The following POMT2 variants were observed in gnomAD, a reference collection of about 807,000 sequenced individuals.
POMT2 encodes the protein protein O-mannosyltransferase 2, also known as protein O-mannosyl-transferase 2.
A neutral mutation model predicts 100.0 loss-of-function variants in POMT2; 75 were observed. That is an observed-to-expected ratio of 0.75 (90% CI 0.62 to 0.91). The LOEUF is 0.91. Ranked by LOEUF, POMT2 falls within the 40% of genes least tolerant of loss-of-function variation. The probability of loss-of-function intolerance (pLI) is 0.00; values close to 1 mark genes in which losing one functional copy is unlikely to be tolerated. For synonymous variants in POMT2, 378 were observed against 374.1 expected, an observed-to-expected ratio of 1.01 and a Z score of -0.12; for missense variants, 940 against 955.1, an observed-to-expected ratio of 0.98 and a Z score of 0.21.
At chr14:77,320,330 C>T in intron 1 of POMT2, 104 bp downstream of exon 1, 1 of 1,529,528 alleles carries the variant, frequency 6.5e-7, no homozygotes, top group Non-Finnish European at 8.8e-7. Flanking sequence ...TCCACCGTGG[C>T]CCTCCTCCTA....
chr14:77,287,693 T>A (rs1171685511), intron 11 of POMT2: 1 of 152,132 alleles, frequency 6.6e-6, no homozygotes, highest in East Asian at 1.9e-4. Context: ...TATTTCCTTG[T>A]GTGCTTTGTT....
chr14:77,288,399 G>C (rs1214002224), intron 11 of POMT2, among the ~76,000 whole-genome samples: 1 of 152,194 alleles, frequency 6.6e-6, no homozygotes, highest in Non-Finnish European at 1.5e-5. Context: ...AGCTGGGTGT[G>C]ATGGCTCATG....
intron 1 of POMT2, chr14:77,312,491 G>C (rs56368007): frequency 0.23 from 37,040 of 160,714 alleles, 4,542 homozygotes; most frequent in South Asian, 0.32. Flanking sequence ...GTAAAACCCT[G>C]TCTCTACTAA....
At chr14:77,301,456 G>C (rs1250728366) in intron 5 of POMT2, among the ~76,000 whole-genome samples, 1 of 152,150 alleles carries the variant, frequency 6.6e-6, no homozygotes, top group Non-Finnish European at 1.5e-5. Flanking sequence ...CTGTCTGAGG[G>C]CGCAGGGTAT....
At chr14:77,316,172 T>C (rs1328760884) in intron 1 of POMT2, among the ~76,000 whole-genome samples, 3 of 152,206 alleles carry the variant, frequency 2.0e-5, no homozygotes, top group Non-Finnish European at 4.4e-5. Context: ...TTGAAATTGA[T>C]TGCCAGACCC....
intron 8 of POMT2, chr14:77,296,476 T>A (rs1890836362): frequency 1.7e-6 from 1 of 587,860 alleles, no homozygotes; most frequent in South Asian, 2.0e-5. Context: ...CTCCCCCGCC[T>A]CCTGAGGGCT....
chr14:77,279,575 T>G, intron 18 of POMT2: 1 of 634,556 alleles, frequency 1.6e-6, no homozygotes, highest in South Asian at 1.5e-5. Flanking sequence ...AATCTCATGG[T>G]TCCTTGGTTT....
intron 12 of POMT2, among the ~76,000 whole-genome samples, chr14:77,286,145 C>T (rs991374776): frequency 2.6e-5 from 4 of 152,188 alleles, no homozygotes; most frequent in Non-Finnish European, 4.4e-5. Flanking sequence ...TGACCTAGCA[C>T]AATGTGGAAT....
chr14:77,306,695 C>A lies in POMT2; in HGVS notation c.334-254G>T, dbSNP rs528075370. On this transcript the variant is annotated intron_variant, in intron 2 of 20. Coordinates refer to ENST00000261534, the MANE Select transcript of POMT2 (RefSeq NM_013382.7). ...CTAGGAACAGCACAACCTAAACACT[C>A]AGGAAGGAAAAAGAGCCCCACAATT... 3.4e-4 allele frequency: 138 copies of A among 404,416 alleles called. 1 individual carries two copies. The highest frequency in any genetic ancestry group is 2.6e-3 in the South Asian group (123 of 47,084). The allele number at this position is 404,416 out of a possible 1,614,324, so 25.1% of individuals were successfully genotyped here. A position where few individuals can be genotyped will look rare whatever the true frequency, so the allele number is the denominator to read the frequency against.
At chr14:77,287,847 T>C (rs1271062182) in intron 11 of POMT2, 3 of 152,142 alleles carry the variant, frequency 2.0e-5, no homozygotes, top group Non-Finnish European at 4.4e-5. Flanking sequence ...ATTCATGTCT[T>C]GGAGATTCTG....
intron 1 of POMT2, 197 bp downstream of exon 1, chr14:77,320,237 G>T (rs1477519743): frequency 2.4e-6 from 2 of 850,746 alleles, no homozygotes; most frequent in Non-Finnish European, 3.7e-6. Flanking sequence ...GAATCCCACT[G>T]CCCCACCACC....
At position 77,285,555 on chromosome 14, in the gene POMT2, C is replaced by T. The variant is rs1890394018; in HGVS notation, c.1410G>A (p.Leu470=). The change falls in exon 13 of 21, where the codon CTG becomes CTA. Residue 470 remains leucine (L), a synonymous_variant. Coordinates refer to ENST00000261534, the MANE Select transcript of POMT2 (RefSeq NM_013382.7). ...AATGGATGAAGCGAATTCGACTTCT[C>T]AGCACTTTGATCCGGTTTCCAAATT... The part of the protein sequence containing the change: ...NRKFGNRIKV[L]RSRIRFIHLV... The T allele has an allele frequency of 6.2e-7, 1 of 1,613,990 alleles. No individual in the cohort carries two copies. The highest frequency in any genetic ancestry group is 1.3e-5 in the African/African-American group (1 of 74,898).
intron 15 of POMT2, among the ~76,000 whole-genome samples, chr14:77,282,273 C>T (rs2140175426): frequency 6.6e-6 from 1 of 152,274 alleles, no homozygotes; most frequent in South Asian, 2.1e-4. Context: ...AATCTGCAAC[C>T]ATCACAGGCA....
At chr14:77,288,638 C>T (rs1890526054) in intron 11 of POMT2, 124 bp downstream of exon 11, 2 of 809,712 alleles carry the variant, frequency 2.5e-6, no homozygotes, top group Non-Finnish European at 4.2e-6. Flanking sequence ...CTCCCATTCT[C>T]GCACTGTGGC....
intron 8 of POMT2, among the ~76,000 whole-genome samples, chr14:77,297,680 T>C (rs1420460299): frequency 3.3e-5 from 5 of 152,186 alleles, no homozygotes; most frequent in Non-Finnish European, 2.9e-5. Flanking sequence ...CAGGAAGCAA[T>C]CACCTGCACT....
Position 77,274,979 on chromosome 14 carries a change from T to C in POMT2, c.*2397A>G, listed in dbSNP as rs1344419082. On this transcript the variant is annotated 3_prime_UTR_variant, in exon 21 of 21. Transcript: ENST00000261534. ...CATTCAAAACAAGTGTTATTTATTA[T>C]AAAATCAGTGGCTTCTGATTAGAAG... 6.6e-6 allele frequency: 1 copy of C among 152,150 alleles called. No individual in the cohort carries two copies. Among genetic ancestry groups the C allele is most frequent in the Non-Finnish European group, 1.5e-5 (1 of 68,016 alleles). 9.4% of individuals were successfully genotyped at this position (152,150 alleles called of 1,614,324 possible).
At chr14:77,318,684 G>A (rs962234518) in intron 1 of POMT2, among the ~76,000 whole-genome samples, 6 of 151,896 alleles carry the variant, frequency 4.0e-5, no homozygotes, top group African/African-American at 1.2e-4. Context: ...TAATATGTTA[G>A]TGTAAGGAAG....
chr14:77,306,520 G>A (rs1177308599), intron 2 of POMT2, 79 bp from the exon 3 acceptor site: 9 of 1,529,632 alleles, frequency 5.9e-6, no homozygotes, highest in African/African-American at 1.4e-5. Context: ...CCCTCCAGCT[G>A]CACCCACAGA....
At chr14:77,287,789 A>G (rs1438236565) in intron 11 of POMT2, 1 of 152,176 alleles carries the variant, frequency 6.6e-6, no homozygotes, top group African/African-American at 2.4e-5. Context: ...ATTTGCTTTT[A>G]GCCATGCACC....
Sources: allele counts gnomAD v4.1 joint callset (sites outside exome capture counted in the v4.1 genomes callset), GRCh38; gene constraint gnomAD v4.1.1; transcripts MANE v1.5; gene names NCBI Gene and HGNC (gene_info 2026-07-23, HGNC 2026-07-21).